Variants in ANKRD42 observed in about 807,000 individuals in gnomAD.
The protein encoded by ANKRD42 is ankyrin repeat domain 42, also known as ankyrin repeat domain-containing protein 42.
In ANKRD42, 43 loss-of-function variants were observed where a neutral mutation model predicts 51.5. The ratio of observed to expected loss-of-function variants is 0.83; its 90% CI spans 0.65 to 1.08. The LOEUF is 1.08. ANKRD42 is among the 50% of genes least tolerant of loss of function. The probability of loss-of-function intolerance (pLI) is 0.00; values close to 1 mark genes in which losing one functional copy is unlikely to be tolerated. For missense variants in ANKRD42, 608 were observed against 629.3 expected (o/e 0.97, Z 0.36); for synonymous variants, 203 against 213.0 (o/e 0.95, Z 0.41).
At chr11:83,230,367 T>G (rs1310902848) in intron 7 of ANKRD42, among the ~76,000 whole-genome samples, 1 of 152,164 alleles carries the variant, frequency 6.6e-6, no homozygotes, top group African/African-American at 2.4e-5. Context: ...CTTTCTATTT[T>G]TTGGTACCCT....
rs928672032 is a variant in ANKRD42, at chr11:83,206,524, G to A, written c.330+359G>A. Reference sequence around the variant, plus strand: ...ATGGTGTTAAGAGGTGAGGCCTTTTGGGAGGTTATTAGGTCATGAGGGGTT... The same window carrying A: ...ATGGTGTTAAGAGGTGAGGCCTTTTAGGAGGTTATTAGGTCATGAGGGGTT... On this transcript the variant is annotated intron_variant, in intron 3 of 10. Coordinates refer to ENST00000533342, the MANE Select transcript of ANKRD42 (RefSeq NM_001300975.2). Among the ~76,000 whole-genome samples, 17 of 152,126 alleles carry A rather than the reference G, an allele frequency of 1.1e-4. 1 individual carries two copies. Among genetic ancestry groups the A allele is most frequent in the African/African-American group, 4.1e-4 (17 of 41,424 alleles).
intron 8 of ANKRD42, among the ~76,000 whole-genome samples, chr11:83,239,170 G>A (rs1217696786): frequency 6.6e-6 from 1 of 152,090 alleles, no homozygotes; most frequent in African/African-American, 2.4e-5. Flanking sequence ...AATGAAAAAT[G>A]ATTTTGAGCA....
At chr11:83,209,583 C>T in intron 3 of ANKRD42, 1 of 913,702 alleles carries the variant, frequency 1.1e-6, no homozygotes. Flanking sequence ...ATCCATGAAC[C>T]AGAACCTCAC....
intron 8 of ANKRD42, among the ~76,000 whole-genome samples, chr11:83,238,788 C>T (rs531069626): frequency 1.3e-5 from 2 of 151,692 alleles, no homozygotes; most frequent in African/African-American, 4.8e-5. Flanking sequence ...CGAGATTGTA[C>T]CATTGCACTC....
In ANKRD42 at chr11:83,193,734, C is replaced by G. The variant is rs1166029949; in HGVS notation, c.-937C>G. 2.4e-6 allele frequency: 1 copy of G among 415,132 alleles called. No homozygotes were observed. Among genetic ancestry groups the G allele is most frequent in the African/African-American group, 2.1e-5 (1 of 47,820 alleles). The allele number at this position is 415,132 out of a possible 1,614,324, so 25.7% of individuals were successfully genotyped here. On this transcript the variant is annotated 5_prime_UTR_variant, in exon 1 of 11. Coordinates refer to ENST00000533342, the MANE Select transcript of ANKRD42 (RefSeq NM_001300975.2). ...TGTACTCGTTTCCAAGGCGACGGCC[C>G]TGCTGCCTCTCCAGCCAAGTGGCTG...
chr11:83,200,094 T>A (rs889941282), intron 2 of ANKRD42, among the ~76,000 whole-genome samples: 1 of 152,084 alleles, frequency 6.6e-6, no homozygotes, highest in Non-Finnish European at 1.5e-5. Flanking sequence ...TGCTCTTTGC[T>A]TTTGGGTGAT....
At position 83,247,981 on chromosome 11, in the gene ANKRD42, G is replaced by A. The variant is rs775042581; in HGVS notation, c.1361G>A (p.Arg454Gln). The change falls in exon 11 of 11, where the codon CGA becomes CAA. Residue 454 changes from arginine (R) to glutamine (Q), a missense_variant. Transcript: ENST00000533342. ...CTGCAGGGCCAGCTGGAGTATGAAC[G>A]ACTACGTAGAGAAAAATTAGAATGT... ...KELQGQLEYERLRREKLECQL... is the reference protein window; with the variant it reads ...KELQGQLEYEQLRREKLECQL... 1.1e-5 allele frequency: 18 copies of A among 1,613,648 alleles called. No individual in the cohort carries two copies. Among genetic ancestry groups the A allele is most frequent in the East Asian group, 8.9e-5 (4 of 44,866 alleles).
At chr11:83,195,335 A>G (rs182667228) in intron 1 of ANKRD42, among the ~76,000 whole-genome samples, 16 of 152,366 alleles carry the variant, frequency 1.1e-4, no homozygotes, top group African/African-American at 3.8e-4. Context: ...AGTGAGGAAG[A>G]TAAATGCTGA....
chr11:83,236,352 ATAAC>A (rs750303188), intron 7 of ANKRD42, 48 bp from the exon 8 acceptor site: 124 of 1,490,510 alleles, frequency 8.3e-5, no homozygotes, highest in Non-Finnish European at 1.1e-4. Flanking sequence ...ATTGTTACTA[ATAAC>A]TAACTTTTTT....
At chr11:83,242,882 C>T (rs972512691) in intron 9 of ANKRD42, among the ~76,000 whole-genome samples, 4 of 152,012 alleles carry the variant, frequency 2.6e-5, no homozygotes, top group Non-Finnish European at 4.4e-5. Context: ...TTTCTTTATC[C>T]GGTCTTCTGT....
In ANKRD42 at chr11:83,206,045, G is replaced by A; in HGVS notation, c.223-13G>A. The stretch of plus-strand genomic sequence containing the variant: ...ATCCACTTTATCACTTGTTAACATG[G>A]TTATTTTCTTAGTGTCTTCATTGGC... On this transcript the variant is annotated splice_polypyrimidine_tract_variant and intron_variant, in intron 2 of 10. Coordinates refer to ENST00000533342, the MANE Select transcript of ANKRD42 (RefSeq NM_001300975.2). The A allele has an allele frequency of 6.2e-7, 1 of 1,603,718 alleles. No homozygotes were observed. Among genetic ancestry groups the A allele is most frequent in the Non-Finnish European group, 8.5e-7 (1 of 1,172,290 alleles).
At chr11:83,206,209 A>G in intron 3 of ANKRD42, 44 bp downstream of exon 3, 1 of 1,437,150 alleles carries the variant, frequency 7.0e-7, no homozygotes, top group Non-Finnish European at 9.7e-7. Flanking sequence ...ACTTTAACAT[A>G]GTTCTGTTGG....
chr11:83,237,768 G>C (rs955212729), intron 8 of ANKRD42, among the ~76,000 whole-genome samples: 11 of 152,040 alleles, frequency 7.2e-5, no homozygotes, highest in African/African-American at 2.7e-4. Context: ...ATATTTGTAC[G>C]GTACAACTGA....
intron 5 of ANKRD42, among the ~76,000 whole-genome samples, chr11:83,215,932 T>A (rs1023443401): frequency 3.3e-5 from 5 of 152,074 alleles, no homozygotes; most frequent in African/African-American, 1.2e-4. Context: ...AGTAGCTGGA[T>A]TACAGATGCC....
At chr11:83,236,264 A>C in intron 7 of ANKRD42, 140 bp from the exon 8 acceptor site, 1 of 531,664 alleles carries the variant, frequency 1.9e-6, no homozygotes, top group Non-Finnish European at 3.3e-6. Flanking sequence ...ATATTTGCCC[A>C]ATGTACTTTT....
chr11:83,213,340 G>A, intron 5 of ANKRD42: 1 of 1,581,956 alleles, frequency 6.3e-7, no homozygotes, highest in Middle Eastern at 2.3e-4. Flanking sequence ...GGAAAGAGCT[G>A]CCCAGCTGTC....
chr11:83,227,559 G>A (rs1398880351), intron 6 of ANKRD42, among the ~76,000 whole-genome samples, 188 bp from the exon 7 acceptor site: 2 of 152,146 alleles, frequency 1.3e-5, no homozygotes, highest in Non-Finnish European at 2.9e-5. Context: ...GAGGGTAAAA[G>A]GAGTAGAATG....
At position 83,247,946 on chromosome 11, in the gene ANKRD42, C is replaced by T; in HGVS notation, c.1326C>T (p.Thr442=). The change falls in exon 11 of 11, where the codon ACC becomes ACT. Residue 442 remains threonine (T), a synonymous_variant. Transcript: ENST00000533342. ...QKKEQLESEK[T]IKELQGQLEY... is the part of the protein sequence containing the mutation. ...TAAAAAATTTTGTTTTTGATAGGAC[C>T]ATCAAAGAACTGCAGGGCCAGCTGG... The T allele has an allele frequency of 6.3e-7, 1 of 1,598,690 alleles. No individual in the cohort carries two copies. Among genetic ancestry groups the T allele is most frequent in the Non-Finnish European group, 8.5e-7 (1 of 1,174,882 alleles).
At chr11:83,223,418 A>G (rs139490849) in intron 5 of ANKRD42, among the ~76,000 whole-genome samples, 1 of 152,292 alleles carries the variant, frequency 6.6e-6, no homozygotes, top group East Asian at 1.9e-4. Context: ...AGTGAGAAGT[A>G]ATCAGGTTCT....
Sources: allele counts gnomAD v4.1 joint callset (sites outside exome capture counted in the v4.1 genomes callset), GRCh38; gene constraint gnomAD v4.1.1; transcripts MANE v1.5; gene names NCBI Gene and HGNC (gene_info 2026-07-23, HGNC 2026-07-21).